The following CHN2 variants were observed in gnomAD, a reference collection of about 807,000 sequenced individuals.
The protein encoded by CHN2 is beta-chimaerin.
CHN2 carries 35 observed loss-of-function variants against 56.3 expected under a neutral mutation model. The ratio of observed to expected loss-of-function variants is 0.62; its 90% CI spans 0.47 to 0.82. CHN2 has a LOEUF of 0.82. Ranked by LOEUF, CHN2 falls within the 40% of genes least tolerant of loss-of-function variation. CHN2 has a pLI of 0.00. For synonymous variants in CHN2, 210 were observed against 212.8 expected (o/e 0.99, Z 0.12); for missense variants, 491 against 580.5 (o/e 0.85, Z 1.58).
intron 6 of CHN2, among the ~76,000 whole-genome samples, chr7:29,427,375 G>T (rs1006545965): frequency 1.3e-5 from 2 of 151,974 alleles, no homozygotes; most frequent in African/African-American, 4.8e-5. Flanking sequence ...CTGTCTTTAG[G>T]TCGACTAATT....
chr7:29,455,786 G>A (rs75530772), intron 6 of CHN2, among the ~76,000 whole-genome samples: 8,751 of 152,198 alleles, frequency 0.057, 413 homozygotes, highest in East Asian at 0.26. Flanking sequence ...TCTGAGGACC[G>A]TGGTTTACCC....
At position 29,393,914 on chromosome 7, in the gene CHN2, G is replaced by A. The variant is rs117732029; in HGVS notation, c.176+204G>A. On this transcript the variant is annotated intron_variant, in intron 4 of 12. Transcript: ENST00000222792. Reference sequence around the variant, plus strand: ...TTGGTTTCCATTAATGTGGGAGGTAGAGCATTTTGCGCTACTTTTCCCTCC... The same window carrying A: ...TTGGTTTCCATTAATGTGGGAGGTAAAGCATTTTGCGCTACTTTTCCCTCC... Among the ~76,000 whole-genome samples, 71 of 152,248 alleles carry A rather than the reference G, an allele frequency of 4.7e-4. No individual in the cohort carries two copies. The East Asian group carries it at 0.013, about 28-fold the overall frequency.
chr7:29,400,377 G>T (rs1480111372), intron 5 of CHN2, 166 bp from the exon 6 acceptor site: 4 of 655,774 alleles, frequency 6.1e-6, no homozygotes, highest in Non-Finnish European at 1.1e-5. Flanking sequence ...CCATTATACC[G>T]TCTCAAAGGG....
intron 6 of CHN2, among the ~76,000 whole-genome samples, chr7:29,416,080 C>T (rs1049647129): frequency 1.6e-4 from 24 of 152,168 alleles, no homozygotes; most frequent in Non-Finnish European, 8.8e-5. Flanking sequence ...TACAGGGCTT[C>T]TGTGTTCAAG....
chr7:29,449,909 G>A (rs779585323), intron 6 of CHN2, among the ~76,000 whole-genome samples: 13 of 152,194 alleles, frequency 8.5e-5, no homozygotes, highest in Non-Finnish European at 1.8e-4. Flanking sequence ...CTTGGAGAAT[G>A]TTTTTATCAC....
chr7:29,194,000 G>C (rs1452713005), upstream of CHN2: 1 of 152,450 alleles, frequency 6.6e-6, no homozygotes, highest in Non-Finnish European at 1.5e-5. Flanking sequence ...GGGACCGTCA[G>C]CTCCAGAGCA....
chr7:29,395,728 A>G (rs1459544840), intron 4 of CHN2, among the ~76,000 whole-genome samples: 1 of 152,200 alleles, frequency 6.6e-6, no homozygotes, highest in East Asian at 1.9e-4. Flanking sequence ...TTGGACTTTT[A>G]AAAATGATGC....
intron 3 of CHN2, among the ~76,000 whole-genome samples, chr7:29,389,604 A>G (rs1315392309): frequency 6.6e-6 from 1 of 152,168 alleles, no homozygotes; most frequent in African/African-American, 2.4e-5. Context: ...GATATTCACA[A>G]GAAAGGGTGG....
chr7:29,155,878 C>T (rs975539338), intron 2 of CHN2, among the ~76,000 whole-genome samples: 4 of 152,106 alleles, frequency 2.6e-5, no homozygotes, highest in Non-Finnish European at 5.9e-5. Context: ...CAGACCACAT[C>T]GGAGCGTCCT....
At position 29,375,190 on chromosome 7, in the gene CHN2, CTTTTT is replaced by C. The variant is rs70980534; in HGVS notation, c.144+7227_144+7231del. ...CAAGCATGAGCCACCGTGCTCGGCC[CTTTTT>C]TTTTTTTTTTTTTTTTTTTTTTTGA... On this transcript the variant is annotated intron_variant, in intron 3 of 12. Coordinates refer to ENST00000222792, the MANE Select transcript of CHN2 (RefSeq NM_004067.4). Among the ~76,000 whole-genome samples the C allele has an allele frequency of 2.6e-5, 2 of 77,930 alleles. 1 individual carries two copies. 51.1% of individuals were successfully genotyped at this position (77,930 alleles called of 152,430 possible). A position where few individuals can be genotyped will look rare whatever the true frequency, so the allele number is the denominator to read the frequency against.
At chr7:29,220,837 A>G (rs1377179550) in intron 1 of CHN2, among the ~76,000 whole-genome samples, 1 of 152,216 alleles carries the variant, frequency 6.6e-6, no homozygotes, top group Non-Finnish European at 1.5e-5. Context: ...AGAACTTACT[A>G]GTAAAGAAAA....
In CHN2 at chr7:29,395,964, TAAAC is replaced by T. The variant is rs1377193729; in HGVS notation, c.176+2257_176+2260del. ...GAGAGGCTTTCGAATGTTCCTAACA[TAAAC>T]AATAAATGCTTGAGGTGACAGGCAT... On this transcript the variant is annotated intron_variant, in intron 4 of 12. Transcript: ENST00000222792. Among the ~76,000 whole-genome samples, 13 of 152,292 alleles carry T rather than the reference TAAAC, an allele frequency of 8.5e-5. No individual in the cohort carries two copies. The East Asian group carries it at 2.5e-3, about 29-fold the overall frequency.
At chr7:29,246,297 A>C (rs547490535) in intron 1 of CHN2, among the ~76,000 whole-genome samples, 6 of 152,270 alleles carry the variant, frequency 3.9e-5, no homozygotes, top group Middle Eastern at 3.4e-3. Flanking sequence ...GTCCTGCTCC[A>C]CGTGGCTGGG....
At chr7:29,481,416 T>C (rs561631355) in intron 7 of CHN2, among the ~76,000 whole-genome samples, 1 of 152,340 alleles carries the variant, frequency 6.6e-6, no homozygotes, top group South Asian at 2.1e-4. Flanking sequence ...AGGACAAATA[T>C]TCATCTATTA....
At chr7:29,155,005 A>C (rs895561849) in intron 2 of CHN2, among the ~76,000 whole-genome samples, 5 of 152,212 alleles carry the variant, frequency 3.3e-5, no homozygotes, top group Non-Finnish European at 5.9e-5. Flanking sequence ...GGCAAAGAGA[A>C]GGGTGCTTGT....
chr7:29,228,052 A>G (rs2128798289), intron 1 of CHN2, among the ~76,000 whole-genome samples: 1 of 152,176 alleles, frequency 6.6e-6, no homozygotes, highest in East Asian at 1.9e-4. Flanking sequence ...AGTTCTAAAC[A>G]TGATATCAAG....
intron 1 of CHN2, among the ~76,000 whole-genome samples, chr7:29,197,002 G>A (rs530925985): frequency 6.6e-6 from 1 of 152,276 alleles, no homozygotes; most frequent in African/African-American, 2.4e-5. Flanking sequence ...CAATTAATCA[G>A]GCACTTTGTC....
chr7:29,351,325 GTTTTGT>G (rs1211453072), intron 1 of CHN2, among the ~76,000 whole-genome samples: 14 of 152,106 alleles, frequency 9.2e-5, no homozygotes, highest in African/African-American at 3.4e-4. Context: ...GTTTTGTTTT[GTTTTGT>G]TTTGAATGCC....
At position 29,345,067 on chromosome 7, in the gene CHN2, G is replaced by C. The variant is rs10230760; in HGVS notation, c.50-9558G>C. ...TGCCTAGCTGAGAGGGCAAGTGGGG[G>C]CTGAACACAGCCTGGGCTCCCCTCT... On this transcript the variant is annotated intron_variant, in intron 1 of 12. Coordinates refer to ENST00000222792, the MANE Select transcript of CHN2 (RefSeq NM_004067.4). 6.8e-3 allele frequency among the ~76,000 whole-genome samples: 1,032 copies of C among 152,278 alleles called. 15 individuals carry two copies. The highest frequency in any genetic ancestry group is 0.023 in the African/African-American group (944 of 41,560).
Sources: allele counts gnomAD v4.1 joint callset (sites outside exome capture counted in the v4.1 genomes callset), GRCh38; gene constraint gnomAD v4.1.1; transcripts MANE v1.5; gene names NCBI Gene and HGNC (gene_info 2026-07-23, HGNC 2026-07-21).